COL22A1: variants seen among roughly 807,000 people sequenced by gnomAD.
The protein encoded by COL22A1 is collagen alpha-1(XXII) chain.
In COL22A1, 221 loss-of-function variants were observed where a neutral mutation model predicts 248.9. That is an observed-to-expected ratio of 0.89 (90% CI 0.80 to 0.99). The LOEUF is 0.99. COL22A1 is among the 50% of genes least tolerant of loss of function. COL22A1 has a pLI of 0.00. For synonymous variants in COL22A1, 891 were observed against 793.4 expected, an observed-to-expected ratio of 1.12 and a Z score of -2.07; for missense variants, 2,240 against 2,179.0, an observed-to-expected ratio of 1.03 and a Z score of -0.56.
chr8:138,722,170 G>T, intron 25 of COL22A1, 81 bp from the exon 26 acceptor site: 1 of 1,265,986 alleles, frequency 7.9e-7, no homozygotes, highest in Non-Finnish European at 1.1e-6. Context: ...CAAACCAGGA[G>T]CTGTTTTTGC....
chr8:138,778,106 T>C, intron 15 of COL22A1: 1 of 571,308 alleles, frequency 1.8e-6, no homozygotes, highest in Non-Finnish European at 3.1e-6. Flanking sequence ...TCCTGGGATC[T>C]ACCCTGCTTC....
intron 1 of COL22A1, among the ~76,000 whole-genome samples, chr8:138,908,322 G>A (rs1363459477): frequency 6.6e-6 from 1 of 152,208 alleles, no homozygotes; most frequent in Non-Finnish European, 1.5e-5. Flanking sequence ...TAGCCAGAAT[G>A]TTACTATTGG....
chr8:138,765,784 G>A (rs1258278854), intron 16 of COL22A1, among the ~76,000 whole-genome samples: 2 of 152,206 alleles, frequency 1.3e-5, no homozygotes, highest in Non-Finnish European at 2.9e-5. Flanking sequence ...TGTGCCCAGA[G>A]AGAGAAAGAG....
At chr8:138,658,967 A>G (rs1823546745) in intron 44 of COL22A1, among the ~76,000 whole-genome samples, 1 of 151,922 alleles carries the variant, frequency 6.6e-6, no homozygotes, top group South Asian at 2.1e-4. Flanking sequence ...GATTATCCAC[A>G]TCATCAGCTG....
intron 1 of COL22A1, among the ~76,000 whole-genome samples, chr8:138,910,928 C>T (rs139006481): frequency 2.0e-4 from 30 of 152,272 alleles, no homozygotes; most frequent in Admixed American, 3.3e-4. Context: ...CCCATGTTGA[C>T]CTCTATCAAA....
rs998502205 is a variant in COL22A1 at position 138,596,990 on chromosome 8, G to C, written c.4366-20C>G. 3.7e-6 allele frequency: 6 copies of C among 1,605,294 alleles called. No homozygotes were observed. In the South Asian group the frequency reaches 5.5e-5, roughly 15 times the overall value. On this transcript the variant is annotated intron_variant, in intron 61 of 64. Coordinates refer to ENST00000303045, the MANE Select transcript of COL22A1 (RefSeq NM_152888.3). ...CTCCCCCTAGGAGGGAGGGAAGGTGGAGTCATTCATCTTCCCAGTAACTTC... is the reference window on the plus strand; with the variant it reads ...CTCCCCCTAGGAGGGAGGGAAGGTGCAGTCATTCATCTTCCCAGTAACTTC...
Position 138,698,146 on chromosome 8 carries a change from AG to A in COL22A1, c.2592+1965del, listed in dbSNP as rs1318441236. Among the ~76,000 whole-genome samples, 8 of 152,236 alleles carry A rather than the reference AG, an allele frequency of 5.3e-5. No individual in the cohort carries two copies. The East Asian group carries it at 1.5e-3, about 29-fold the overall frequency. On this transcript the variant is annotated intron_variant, in intron 32 of 64. Coordinates refer to ENST00000303045, the MANE Select transcript of COL22A1 (RefSeq NM_152888.3). Reference sequence around the variant, plus strand: ...GAGGGGCTCAGGGTGGACCTGAGGGAGGGAGGCCCACAGATGTCAGGGGCAG... The same window carrying A: ...GAGGGGCTCAGGGTGGACCTGAGGGAGGAGGCCCACAGATGTCAGGGGCAG...
chr8:138,687,391 A>G (rs1287552242), intron 37 of COL22A1, among the ~76,000 whole-genome samples: 1 of 152,240 alleles, frequency 6.6e-6, no homozygotes, highest in African/African-American at 2.4e-5. Flanking sequence ...ACCTTCCTGC[A>G]AAAAGGCAAA....
chr8:138,882,513 C>G (rs577896656), intron 2 of COL22A1, among the ~76,000 whole-genome samples: 1 of 151,084 alleles, frequency 6.6e-6, no homozygotes, highest in East Asian at 2.0e-4. Flanking sequence ...TCGTCAAACA[C>G]ACACTCCTAC....
rs1210642558 is a variant in COL22A1 at position 138,740,085 on chromosome 8, A to T, written c.2086-2508T>A. ...TTGCCAGCTCCCCTTCCTCAGGGAA[A>T]GGAAACCAGACACCTTCCATTTTCT... is the stretch of plus-strand genomic sequence containing the variant. On this transcript the variant is annotated intron_variant, in intron 22 of 64. Coordinates refer to ENST00000303045, the MANE Select transcript of COL22A1 (RefSeq NM_152888.3). 2.0e-5 allele frequency among the ~76,000 whole-genome samples: 3 copies of T among 152,228 alleles called. No homozygotes were observed. The East Asian group carries it at 5.8e-4, about 29-fold the overall frequency.
intron 49 of COL22A1, among the ~76,000 whole-genome samples, chr8:138,632,757 A>C (rs1820837372): frequency 6.6e-6 from 1 of 152,186 alleles, no homozygotes; most frequent in African/African-American, 2.4e-5. Context: ...CTAGGTAGGG[A>C]CCCAGTAAAT....
chr8:138,815,143 C>T (rs1238383017), intron 7 of COL22A1, among the ~76,000 whole-genome samples: 2 of 152,186 alleles, frequency 1.3e-5, no homozygotes, highest in African/African-American at 4.8e-5. Context: ...TGAAGCCTCC[C>T]CAGCCATTTG....
At chr8:138,866,570 G>A (rs557796058) in intron 3 of COL22A1, among the ~76,000 whole-genome samples, 5 of 152,232 alleles carry the variant, frequency 3.3e-5, no homozygotes, top group Non-Finnish European at 5.9e-5. Flanking sequence ...GAGTCTCCAT[G>A]AGCTGAAGCC....
In COL22A1 at chr8:138,649,711, T is replaced by C; in HGVS notation, c.3401A>G (p.Lys1134Arg). 6.2e-7 allele frequency: 1 copy of C among 1,613,390 alleles called. No individual in the cohort carries two copies. The highest frequency in any genetic ancestry group is 8.5e-7 in the Non-Finnish European group (1 of 1,179,650). Residue 1134 changes from lysine to arginine, a missense_variant, in exon 46 of 65, where the codon AAA becomes AGA. By Grantham distance (26) the Lys-to-Arg change is conservative. Transcript: ENST00000303045. ...LPGLPGFKGD[K>R]GVPGKPGREG... ...TCTCCCTGGCTTTCCTGGGACACCT[T>C]TGTCCCCTTTAAAACCTGGTAGACC...
At chr8:138,720,647 G>A (rs892214297) in intron 27 of COL22A1, 92 bp downstream of exon 27, 16 of 1,047,174 alleles carry the variant, frequency 1.5e-5, no homozygotes, top group African/African-American at 6.3e-5. Context: ...TGATATAGAC[G>A]CTATGCTTAT....
chr8:138,800,685 G>A (rs939864644), intron 11 of COL22A1, among the ~76,000 whole-genome samples: 2 of 152,128 alleles, frequency 1.3e-5, no homozygotes, highest in South Asian at 2.1e-4. Flanking sequence ...ATAATTATGC[G>A]ATGGACCGCT....
intron 43 of COL22A1, 68 bp from the exon 44 acceptor site, chr8:138,660,548 C>A (rs1274063982): frequency 6.4e-6 from 9 of 1,395,752 alleles, no homozygotes; most frequent in Non-Finnish European, 9.2e-6. Flanking sequence ...CTACCCACAC[C>A]CTCTGCCAAT....
chr8:138,793,417 T>C (rs972170299), intron 12 of COL22A1, among the ~76,000 whole-genome samples: 1 of 152,220 alleles, frequency 6.6e-6, no homozygotes, highest in African/African-American at 2.4e-5. Context: ...TCAGAGCTGC[T>C]GCCTGAAGAG....
At chr8:138,716,112 C>A in intron 29 of COL22A1, 115 bp downstream of exon 29, 3 of 804,900 alleles carry the variant, frequency 3.7e-6, no homozygotes, top group South Asian at 3.5e-5. Context: ...GAGAAATACA[C>A]TCTTCACCCA....
Sources: gnomAD v4.1 joint callset for allele counts (sites outside exome capture counted in the v4.1 genomes callset) on GRCh38, gnomAD v4.1.1 for gene constraint, MANE v1.5 for transcripts, NCBI Gene and HGNC (gene_info 2026-07-23, HGNC 2026-07-21) for gene names.